Variants in ABHD14B observed in about 807,000 individuals in gnomAD.
ABHD14B encodes the protein putative protein-lysine deacylase ABHD14B.
Under a neutral mutation model 15.4 loss-of-function variants are expected in ABHD14B, and 19 were observed. That is an observed-to-expected ratio of 1.23 (90% CI 0.86 to 1.81). ABHD14B has a LOEUF of 1.81. ABHD14B is among the 40% of genes most tolerant of loss of function. ABHD14B has a pLI of 0.00. For missense variants in ABHD14B, 243 were observed against 267.0 expected, an observed-to-expected ratio of 0.91 and a Z score of 0.63; for synonymous variants, 92 against 117.3, an observed-to-expected ratio of 0.78 and a Z score of 1.39.
chr3:51,969,792 A>T (rs1378094600), intron 3 of ABHD14B, 151 bp downstream of exon 3: 1 of 1,466,606 alleles, frequency 6.8e-7, no homozygotes, highest in African/African-American at 1.4e-5. Context: ...TTGGCACAGT[A>T]GTCTGCTGAG....
intron 2 of ABHD14B, 137 bp from the exon 3 acceptor site, chr3:51,970,321 G>T: frequency 8.6e-7 from 1 of 1,163,476 alleles, no homozygotes; most frequent in Non-Finnish European, 1.2e-6. Context: ...GTGTGCCCAC[G>T]TTTATTCCTA....
intron 2 of ABHD14B, 32 bp from the exon 3 acceptor site, chr3:51,970,216 C>G: frequency 6.6e-7 from 1 of 1,517,486 alleles, no homozygotes; most frequent in South Asian, 1.3e-5. Context: ...AGAGACAAGA[C>G]AAGGGCAGTG....
At chr3:51,974,055 G>A (rs1252650120), upstream of ABHD14B, 2 of 1,286,826 alleles carry the variant, frequency 1.6e-6, 1 homozygote, top group African/African-American at 3.0e-5. Context: ...AAGAGGCCGG[G>A]CCCCATCCAG....
At position 51,969,689 on chromosome 3, in the gene ABHD14B, TG is replaced by T. The variant is rs540910832; in HGVS notation, c.454-85del. 5.3e-6 allele frequency: 8 copies of T among 1,515,304 alleles called. No homozygotes were observed. In the South Asian group the frequency reaches 8.7e-5, roughly 17 times the overall value. The allele number at this position is 1,515,304 out of a possible 1,614,324, so 93.9% of individuals were successfully genotyped here. A position where few individuals can be genotyped will look rare whatever the true frequency, so the allele number is the denominator to read the frequency against. Reference sequence around the variant, plus strand: ...AGCCCTCCCCACTTCAGTCTCTTCCTGGGACCACCCCATATGAGGGAGAGAG... The same window carrying T: ...AGCCCTCCCCACTTCAGTCTCTTCCTGGACCACCCCATATGAGGGAGAGAG... On this transcript the variant is annotated intron_variant, in intron 3 of 3. Coordinates refer to ENST00000361143, the MANE Select transcript of ABHD14B (RefSeq NM_001146314.2).
Position 51,972,521 on chromosome 3 carries a change from C to A in ABHD14B, c.-28-823G>T, listed in dbSNP as rs148913564. 8.5e-3 allele frequency among the ~76,000 whole-genome samples: 1,286 copies of A among 152,142 alleles called. 9 individuals carry two copies. The highest frequency in any genetic ancestry group is 0.014 in the Middle Eastern group (4 of 294). On this transcript the variant is annotated intron_variant, in intron 1 of 3. Transcript: ENST00000361143. ...CCAGGAGGCAGAGGTTGCAGTGAGC[C>A]GAGAACGCGCCATTGCACTCCAGAC... is the stretch of plus-strand genomic sequence containing the variant.
chr3:51,969,607 T>C lies in ABHD14B; in HGVS notation c.454-2A>G. The C allele has an allele frequency of 3.7e-6, 6 of 1,610,384 alleles. No individual in the cohort carries two copies. The highest frequency in any genetic ancestry group is 4.2e-6 in the Non-Finnish European group (5 of 1,178,300). On this transcript the variant is annotated splice_acceptor_variant, in intron 3 of 3. Transcript: ENST00000361143. LOFTEE classifies it high-confidence loss of function. The stretch of plus-strand genomic sequence containing the variant: ...TCCATATACAATCAGAGCTGGAGTC[T>C]GAGAGGAAGGATAGGGGGGTGGGGC...
chr3:51,973,806 A>T (rs562462930), intron 1 of ABHD14B, 159 bp downstream of exon 1: 1 of 1,287,082 alleles, frequency 7.8e-7, no homozygotes, highest in Admixed American at 2.3e-5. Flanking sequence ...GCTTCCGCGG[A>T]CTACGGTTCT....
At chr3:51,973,778 T>C in intron 1 of ABHD14B, 187 bp downstream of exon 1, 1 of 1,245,136 alleles carries the variant, frequency 8.0e-7, no homozygotes, top group South Asian at 1.2e-5. Flanking sequence ...CCCAACGCGT[T>C]GACCTCGCGG....
chr3:51,969,342 G>T lies in ABHD14B; in HGVS notation c.*84C>A. The T allele has an allele frequency of 1.4e-6, 2 of 1,466,358 alleles. No individual in the cohort carries two copies. Among genetic ancestry groups the T allele is most frequent in the Non-Finnish European group, 1.8e-6 (2 of 1,087,612 alleles). 90.8% of individuals were successfully genotyped at this position (1,466,358 alleles called of 1,614,324 possible). ...AGACGCACCTGTTGCATGTGCATGAGCCAGAGCCTGGGAGAGAAGAGAGAG... is the reference window on the plus strand; with the variant it reads ...AGACGCACCTGTTGCATGTGCATGATCCAGAGCCTGGGAGAGAAGAGAGAG... On this transcript the variant is annotated 3_prime_UTR_variant, in exon 4 of 4. Coordinates refer to ENST00000361143, the MANE Select transcript of ABHD14B (RefSeq NM_001146314.2).
chr3:51,971,201 C>A (rs1700645964), intron 2 of ABHD14B: 2 of 487,810 alleles, frequency 4.1e-6, no homozygotes, highest in Non-Finnish European at 7.4e-6. Flanking sequence ...GAAACAGAGG[C>A]TCAGAGACAC....
rs1018477349 is a variant in ABHD14B, at chr3:51,971,389, G to T, written c.211+71C>A. 15 of 1,438,430 alleles carry T rather than the reference G, an allele frequency of 1.0e-5. No individual in the cohort carries two copies. In the Admixed American group the frequency reaches 4.3e-4, roughly 41 times the overall value. 89.1% of individuals were successfully genotyped at this position (1,438,430 alleles called of 1,614,324 possible). ...CCCCTGGAGTGGGGAGGGGCTACAT[G>T]TTATAGGAACCTGGCCCTGTCCCTA... On this transcript the variant is annotated intron_variant, in intron 2 of 3. Transcript: ENST00000361143.
intron 2 of ABHD14B, 151 bp downstream of exon 2, chr3:51,971,309 C>A (rs780729743): frequency 1.4e-5 from 12 of 880,760 alleles, no homozygotes; most frequent in African/African-American, 1.7e-5. Flanking sequence ...CTTGACCAAA[C>A]GCTGTCAAGT....
intron 1 of ABHD14B, chr3:51,971,993 C>A: frequency 3.0e-6 from 1 of 331,210 alleles, no homozygotes; most frequent in Non-Finnish European, 4.8e-6. Flanking sequence ...GCCTGTAATC[C>A]CAGCACTTTG....
At chr3:51,970,347 A>G (rs530507869) in intron 2 of ABHD14B, among the ~76,000 whole-genome samples, 163 bp from the exon 3 acceptor site, 1 of 152,278 alleles carries the variant, frequency 6.6e-6, no homozygotes, top group South Asian at 2.1e-4. Flanking sequence ...GCCTCATTCT[A>G]TCTTATCGTG....
At chr3:51,971,864 T>C in intron 1 of ABHD14B, 166 bp from the exon 2 acceptor site, 1 of 1,333,632 alleles carries the variant, frequency 7.5e-7, no homozygotes, top group Admixed American at 3.2e-5. Flanking sequence ...TTTACTTTAG[T>C]GTGTAACCTG....
chr3:51,970,055 C>A lies in ABHD14B; in HGVS notation c.341G>T (p.Gly114Val), dbSNP rs994002623. Reference protein sequence around the residue: ...PPVVISPSLSGMYSLPFLTAP... With the variant: ...PPVVISPSLSVMYSLPFLTAP... Reference sequence around the variant, plus strand: ...CGTGAGGAAGGGCAGGGAGTACATGCCACTCAGTGATGGACTGATCACAAC... The same window carrying A: ...CGTGAGGAAGGGCAGGGAGTACATGACACTCAGTGATGGACTGATCACAAC... Residue 114 changes from glycine (G) to valine (V), a missense_variant, in exon 3 of 4, where the codon GGC (glycine) becomes GTC (valine). Coordinates refer to ENST00000361143, the MANE Select transcript of ABHD14B (RefSeq NM_001146314.2). 1.1e-5 allele frequency: 17 copies of A among 1,613,700 alleles called. No individual in the cohort carries two copies. Among genetic ancestry groups the A allele is most frequent in the Non-Finnish European group, 1.2e-5 (14 of 1,179,848 alleles).
chr3:51,970,668 GCTC>G lies in ABHD14B; in HGVS notation c.212-487_212-485del, dbSNP rs776770852. On this transcript the variant is annotated intron_variant, in intron 2 of 3. Coordinates refer to ENST00000361143, the MANE Select transcript of ABHD14B (RefSeq NM_001146314.2). ...CAGCAGCTGAGGGGTCGGTTCTGCA[GCTC>G]CTCCTCCAGTCATTCAGGCTTCACC... 13 of 457,588 alleles carry G rather than the reference GCTC, an allele frequency of 2.8e-5. No homozygotes were observed. In the Middle Eastern group the frequency reaches 9.7e-4, roughly 34 times the overall value. The allele number at this position is 457,588 out of a possible 1,614,324, so 28.3% of individuals were successfully genotyped here.
chr3:51,969,348 G>T lies in ABHD14B; in HGVS notation c.*78C>A. The T allele has an allele frequency of 1.3e-6, 2 of 1,485,874 alleles. No individual in the cohort carries two copies. Among genetic ancestry groups the T allele is most frequent in the Non-Finnish European group, 1.8e-6 (2 of 1,102,572 alleles). The allele number at this position is 1,485,874 out of a possible 1,614,324, so 92.0% of individuals were successfully genotyped here. ...ACCTGTTGCATGTGCATGAGCCAGA[G>T]CCTGGGAGAGAAGAGAGAGCGTGCA... On this transcript the variant is annotated 3_prime_UTR_variant, in exon 4 of 4. Transcript: ENST00000361143.
rs1386293163 is a variant in ABHD14B at position 51,973,992 on chromosome 3, C to A, written c.-56G>T. 2 of 1,289,328 alleles carry A rather than the reference C, an allele frequency of 1.6e-6. No homozygotes were observed. The highest frequency in any genetic ancestry group is 2.0e-6 in the Non-Finnish European group (2 of 988,838). The allele number at this position is 1,289,328 out of a possible 1,614,324, so 79.9% of individuals were successfully genotyped here. On this transcript the variant is annotated 5_prime_UTR_variant, in exon 1 of 4. Coordinates refer to ENST00000361143, the MANE Select transcript of ABHD14B (RefSeq NM_001146314.2). ...GGGGAGCTGCGTGGACTCGCGCAGACGGGAAGCAGGCGCGTGCTGGCGGTG... is the reference window on the plus strand; with the variant it reads ...GGGGAGCTGCGTGGACTCGCGCAGAAGGGAAGCAGGCGCGTGCTGGCGGTG...
Sources: allele counts gnomAD v4.1 joint callset (sites outside exome capture counted in the v4.1 genomes callset), GRCh38; gene constraint gnomAD v4.1.1; transcripts MANE v1.5; gene names NCBI Gene and HGNC (gene_info 2026-07-23, HGNC 2026-07-21).